The following ZFAND3 variants were observed in gnomAD, a reference collection of about 807,000 sequenced individuals.
The protein encoded by ZFAND3 is zinc finger AN1-type containing 3.
A neutral mutation model predicts 29.6 loss-of-function variants in ZFAND3; 10 were observed. The observed-to-expected ratio is 0.34, with a 90% CI of 0.21 to 0.57. The LOEUF is 0.57. ZFAND3 is among the 20% of genes least tolerant of loss of function. The pLI, the probability that ZFAND3 is intolerant of heterozygous loss-of-function variation, is 0.86. For synonymous variants in ZFAND3, 128 were observed against 112.6 expected, an observed-to-expected ratio of 1.14 and a Z score of -0.87; for missense variants, 230 against 304.5, an observed-to-expected ratio of 0.76 and a Z score of 1.82.
At chr6:38,025,554 A>G (rs1419590343) in intron 2 of ZFAND3, among the ~76,000 whole-genome samples, 1 of 152,144 alleles carries the variant, frequency 6.6e-6, no homozygotes, top group Non-Finnish European at 1.5e-5. Context: ...TTAGTGAAAT[A>G]GTTATGCTGA....
Position 38,153,406 on chromosome 6 carries a change from G to A in ZFAND3, c.*1017G>A. On this transcript the variant is annotated 3_prime_UTR_variant, in exon 6 of 6. Transcript: ENST00000287218. The stretch of plus-strand genomic sequence containing the variant: ...CCAGGGGCCAAGAGGATGATGTCGT[G>A]GCCTCCATTCTCGTTTCTATGCAGC... 1 of 985,466 alleles carries A rather than the reference G, an allele frequency of 1.0e-6. No individual in the cohort carries two copies. The highest frequency in any genetic ancestry group is 1.2e-6 in the Non-Finnish European group (1 of 829,934). The allele number at this position is 985,466 out of a possible 1,614,324, so 61.0% of individuals were successfully genotyped here. A position where few individuals can be genotyped will look rare whatever the true frequency, so the allele number is the denominator to read the frequency against.
chr6:38,149,115 C>CA (rs1286781073), intron 5 of ZFAND3, among the ~76,000 whole-genome samples: 5 of 152,016 alleles, frequency 3.3e-5, no homozygotes, highest in Admixed American at 3.3e-4. Context: ...CTTGGCCTCT[C>CA]AAAGTGCTGG....
chr6:38,097,237 G>A (rs1370856311), intron 4 of ZFAND3, among the ~76,000 whole-genome samples: 13 of 148,524 alleles, frequency 8.8e-5, no homozygotes, highest in Admixed American at 6.1e-4. Flanking sequence ...CAGCACACCC[G>A]GTTAATTTTT....
chr6:38,098,184 C>T (rs568718074), intron 4 of ZFAND3, among the ~76,000 whole-genome samples: 1 of 152,274 alleles, frequency 6.6e-6, no homozygotes, highest in South Asian at 2.1e-4. Context: ...ACCTCAGCCT[C>T]CCGAGTAGCT....
chr6:38,036,576 A>T (rs901789409), intron 2 of ZFAND3, among the ~76,000 whole-genome samples: 1 of 152,220 alleles, frequency 6.6e-6, no homozygotes, highest in Non-Finnish European at 1.5e-5. Context: ...ACTTCGAATT[A>T]TAAATACATT....
chr6:38,076,266 G>T (rs971197152), intron 3 of ZFAND3, among the ~76,000 whole-genome samples: 1 of 152,020 alleles, frequency 6.6e-6, no homozygotes, highest in Admixed American at 6.6e-5. Context: ...TCATGCTGTT[G>T]CACACTTAAT....
chr6:37,952,039 C>T (rs1439986173), intron 2 of ZFAND3, among the ~76,000 whole-genome samples: 1 of 152,144 alleles, frequency 6.6e-6, no homozygotes, highest in African/African-American at 2.4e-5. Context: ...AACCTTGCAT[C>T]CCAGGAATAA....
chr6:37,976,390 T>C (rs967947278), intron 2 of ZFAND3, among the ~76,000 whole-genome samples: 6 of 151,998 alleles, frequency 3.9e-5, no homozygotes, highest in Non-Finnish European at 8.8e-5. Flanking sequence ...GAGACCAGAC[T>C]GACCAACATG....
chr6:38,136,647 T>C (rs1765846687), intron 5 of ZFAND3, among the ~76,000 whole-genome samples: 1 of 152,204 alleles, frequency 6.6e-6, no homozygotes, highest in African/African-American at 2.4e-5. Flanking sequence ...CAGGTGAAGA[T>C]GGGTCCTGTG....
intron 4 of ZFAND3, among the ~76,000 whole-genome samples, chr6:38,098,208 G>A (rs922502011): frequency 2.0e-5 from 3 of 152,008 alleles, no homozygotes; most frequent in East Asian, 1.9e-4. Context: ...GACTACAAGC[G>A]TGTAGTTGTC....
intron 1 of ZFAND3, among the ~76,000 whole-genome samples, chr6:37,831,184 A>C (rs1049785924): frequency 6.6e-6 from 1 of 152,236 alleles, no homozygotes; most frequent in Non-Finnish European, 1.5e-5. Context: ...GATGCCTCTC[A>C]AGCCCTTGCC....
chr6:38,045,207 C>T (rs1158451697), intron 2 of ZFAND3, among the ~76,000 whole-genome samples: 2 of 151,782 alleles, frequency 1.3e-5, no homozygotes, highest in Non-Finnish European at 2.9e-5. Flanking sequence ...CCTGCTTCAG[C>T]CTCCCAAGTA....
chr6:37,886,280 A>AAAAAAAAAAAAAAAAAAC (rs1561922411), intron 1 of ZFAND3, among the ~76,000 whole-genome samples: 2 of 128,864 alleles, frequency 1.6e-5, no homozygotes, highest in African/African-American at 6.1e-5. Context: ...AAAAAAAAAA[A>AAAAAAAAAAAAAAAAAAC]AGTTCAAAGA....
chr6:37,951,897 C>G (rs1337654904), intron 2 of ZFAND3, among the ~76,000 whole-genome samples: 1 of 152,112 alleles, frequency 6.6e-6, no homozygotes, highest in Non-Finnish European at 1.5e-5. Context: ...GTTTTTAACA[C>G]GAAGCGATGT....
chr6:37,969,218 G>C (rs1387058356), intron 2 of ZFAND3, among the ~76,000 whole-genome samples: 2 of 152,158 alleles, frequency 1.3e-5, no homozygotes, highest in Non-Finnish European at 2.9e-5. Flanking sequence ...TCATTTACAG[G>C]AATGTTATGT....
intron 1 of ZFAND3, among the ~76,000 whole-genome samples, chr6:37,858,072 C>T (rs959556258): frequency 3.3e-5 from 5 of 152,112 alleles, no homozygotes; most frequent in Admixed American, 2.6e-4. Flanking sequence ...CTCTAGTGAC[C>T]TGCCCTCTCT....
rs143876417 is a variant in ZFAND3 at position 37,943,170 on chromosome 6, C to T, written c.112+13171C>T. Among the ~76,000 whole-genome samples the T allele has an allele frequency of 2.8e-3, 430 of 152,212 alleles. 2 individuals carry two copies. Among genetic ancestry groups the T allele is most frequent in the African/African-American group, 9.8e-3 (408 of 41,550 alleles). ...TGGACTAAGTGAAACTAAACATAGG[C>T]ATTTCTAACATTGTACTGGGAAAGT... On this transcript the variant is annotated intron_variant, in intron 2 of 5. Transcript: ENST00000287218.
intron 5 of ZFAND3, among the ~76,000 whole-genome samples, chr6:38,124,265 C>T (rs1765588129): frequency 6.6e-6 from 1 of 152,258 alleles, no homozygotes; most frequent in African/African-American, 2.4e-5. Flanking sequence ...GCTGGCTTCA[C>T]CCAGTGGATA....
chr6:38,044,095 T>C lies in ZFAND3; in HGVS notation c.113-17498T>C, dbSNP rs74603758. ...ACAGCTTCTCTTGTATACGTAATTGTGGCCATCTCAACAAAAACTAATCCA... is the reference window on the plus strand; with the variant it reads ...ACAGCTTCTCTTGTATACGTAATTGCGGCCATCTCAACAAAAACTAATCCA... On this transcript the variant is annotated intron_variant, in intron 2 of 5. Coordinates refer to ENST00000287218, the MANE Select transcript of ZFAND3 (RefSeq NM_021943.3). Among the ~76,000 whole-genome samples the C allele has an allele frequency of 0.017, 2,536 of 152,302 alleles. 254 individuals are homozygous for C. The East Asian group carries it at 0.28, about 17-fold the overall frequency.
Sources: gnomAD v4.1 joint callset for allele counts (sites outside exome capture counted in the v4.1 genomes callset) on GRCh38, gnomAD v4.1.1 for gene constraint, MANE v1.5 for transcripts, NCBI Gene and HGNC (gene_info 2026-07-23, HGNC 2026-07-21) for gene names.